Variants in RAPGEF2 observed in about 807,000 individuals in gnomAD.
The protein encoded by RAPGEF2 is PDZ domain containing guanine nucleotide exchange factor (GEF) 1.
A neutral mutation model predicts 186.7 loss-of-function variants in RAPGEF2; 54 were observed. That is an observed-to-expected ratio of 0.29 (90% CI 0.23 to 0.36). The LOEUF (loss-of-function observed/expected upper bound fraction) is 0.36. Ranked by LOEUF, RAPGEF2 falls within the 10% of genes least tolerant of loss-of-function variation. The pLI, the probability that RAPGEF2 is intolerant of heterozygous loss-of-function variation, is 1.00. For missense variants in RAPGEF2, 1,532 were observed against 2,045.0 expected, an observed-to-expected ratio of 0.75 and a Z score of 4.84; for synonymous variants, 712 against 705.9, an observed-to-expected ratio of 1.01 and a Z score of -0.14.
chr4:159,204,548 T>G (rs1313840556), intron 3 of RAPGEF2, among the ~76,000 whole-genome samples: 1 of 152,226 alleles, frequency 6.6e-6, no homozygotes, highest in African/African-American at 2.4e-5. Flanking sequence ...CCCCAGAGGC[T>G]TTCTATCTGT....
intron 7 of RAPGEF2, among the ~76,000 whole-genome samples, chr4:159,250,821 C>A (rs1024293405): frequency 2.6e-5 from 4 of 152,132 alleles, no homozygotes; most frequent in Non-Finnish European, 5.9e-5. Flanking sequence ...CCACTCTGGC[C>A]ATCCTGGAGG....
intron 7 of RAPGEF2, among the ~76,000 whole-genome samples, chr4:159,298,049 A>G (rs1762229243): frequency 6.6e-6 from 1 of 152,176 alleles, no homozygotes; most frequent in African/African-American, 2.4e-5. Flanking sequence ...ACAAATTGTT[A>G]ATTTTGGCAG....
In RAPGEF2 at chr4:159,353,904, C is replaced by T. The variant is rs756559547; in HGVS notation, c.4509C>T (p.Gly1503=). 2.5e-6 allele frequency: 4 copies of T among 1,614,154 alleles called. No homozygotes were observed. The highest frequency in any genetic ancestry group is 3.4e-6 in the Non-Finnish European group (4 of 1,180,024). ...YWGEDSEGDT[G]TIKRRGGKDV... is the part of the protein sequence containing the mutation. ...GAGAAGACTCAGAAGGTGACACAGGCACAATAAAGCGGAGGGGTGGAAAGG... is the reference window on the plus strand; with the variant it reads ...GAGAAGACTCAGAAGGTGACACAGGTACAATAAAGCGGAGGGGTGGAAAGG... Residue 1503 remains glycine, a synonymous_variant, in exon 28 of 30, where the codon GGC becomes GGT. Transcript: ENST00000691494. The surrounding 1 kb of genome is among the most constrained non-coding windows in gnomAD (Gnocchi z 4.3).
intron 11 of RAPGEF2, chr4:159,327,347 A>G (rs1052338856): frequency 4.6e-5 from 7 of 152,192 alleles, no homozygotes; most frequent in African/African-American, 1.7e-4. Context: ...ATTTACAGAA[A>G]CTTAAAACCT....
intron 4 of RAPGEF2, among the ~76,000 whole-genome samples, chr4:159,232,564 C>T (rs559938286): frequency 6.6e-6 from 1 of 152,300 alleles, no homozygotes; most frequent in Admixed American, 6.5e-5. Flanking sequence ...CATATTTTGG[C>T]TACTGTGAAT....
intron 7 of RAPGEF2, among the ~76,000 whole-genome samples, chr4:159,259,761 A>T (rs1579648572): frequency 1.3e-5 from 2 of 152,158 alleles, no homozygotes; most frequent in African/African-American, 4.8e-5. Context: ...TGTACCAGAA[A>T]ATGTTGGAAG....
chr4:159,148,860 T>G (rs76446196), intron 1 of RAPGEF2, among the ~76,000 whole-genome samples: 1 of 152,248 alleles, frequency 6.6e-6, no homozygotes, highest in Non-Finnish European at 1.5e-5. Context: ...GTAGTCTATT[T>G]TCTTAAATTT....
intron 1 of RAPGEF2, among the ~76,000 whole-genome samples, chr4:159,174,099 AT>A (rs1746199782): frequency 6.6e-6 from 1 of 152,256 alleles, no homozygotes; most frequent in Non-Finnish European, 1.5e-5. Context: ...TGTTAACAAA[AT>A]GAGTTTTTGG....
At chr4:159,162,192 C>T (rs1744780721) in intron 1 of RAPGEF2, among the ~76,000 whole-genome samples, 1 of 143,490 alleles carries the variant, frequency 7.0e-6, no homozygotes, top group African/African-American at 2.6e-5. Flanking sequence ...TAATACTCGC[C>T]TGAGCAATAT....
chr4:159,213,621 T>C (rs1750731769), intron 4 of RAPGEF2, among the ~76,000 whole-genome samples: 1 of 152,256 alleles, frequency 6.6e-6, no homozygotes, highest in Non-Finnish European at 1.5e-5. Flanking sequence ...TTAGCCTTAT[T>C]GAAATCCTCA....
intron 7 of RAPGEF2, among the ~76,000 whole-genome samples, chr4:159,271,012 G>T (rs1438958815): frequency 6.6e-6 from 1 of 152,162 alleles, no homozygotes; most frequent in African/African-American, 2.4e-5. Context: ...TTATGAGACT[G>T]CATTTTTCAA....
chr4:159,226,552 T>TTA (rs910090429), intron 4 of RAPGEF2, among the ~76,000 whole-genome samples: 4 of 152,202 alleles, frequency 2.6e-5, no homozygotes, highest in Admixed American at 2.0e-4. Context: ...TGAGTCTATA[T>TTA]ATCAACTTGG....
At chr4:159,278,476 TC>T (rs1317002875) in intron 7 of RAPGEF2, among the ~76,000 whole-genome samples, 7 of 152,158 alleles carry the variant, frequency 4.6e-5, no homozygotes, top group Non-Finnish European at 1.0e-4. Flanking sequence ...ACAGGAGCTC[TC>T]GAAATTTAGC....
Position 159,104,132 on chromosome 4 carries a change from G to T in RAPGEF2, c.-31G>T. ...GCCGGGAGGAGGCCGGCCAGGGTGCGGAGCGGCCCCGGCCCGCTCCCAGAG... is the reference window on the plus strand; with the variant it reads ...GCCGGGAGGAGGCCGGCCAGGGTGCTGAGCGGCCCCGGCCCGCTCCCAGAG... On this transcript the variant is annotated 5_prime_UTR_variant, in exon 1 of 30. Coordinates refer to ENST00000691494, the MANE Select transcript of RAPGEF2 (RefSeq NM_001394067.2). 3.4e-6 allele frequency: 5 copies of T among 1,458,910 alleles called. No homozygotes were observed. Among genetic ancestry groups the T allele is most frequent in the Non-Finnish European group, 3.6e-6 (4 of 1,098,322 alleles). 90.4% of individuals were successfully genotyped at this position (1,458,910 alleles called of 1,614,324 possible).
At chr4:159,206,006 T>C (rs1312645878) in intron 3 of RAPGEF2, among the ~76,000 whole-genome samples, 2 of 151,968 alleles carry the variant, frequency 1.3e-5, no homozygotes, top group Non-Finnish European at 2.9e-5. Flanking sequence ...TTGGCCTCAC[T>C]GCAAGCTCCG....
At chr4:159,175,397 A>C (rs1304380864) in intron 1 of RAPGEF2, among the ~76,000 whole-genome samples, 1 of 152,118 alleles carries the variant, frequency 6.6e-6, no homozygotes, top group Non-Finnish European at 1.5e-5. Flanking sequence ...ACTCGGATGC[A>C]CAAAGCACCT....
intron 1 of RAPGEF2, among the ~76,000 whole-genome samples, chr4:159,123,737 C>T (rs985928036): frequency 6.6e-6 from 1 of 151,944 alleles, no homozygotes; most frequent in Non-Finnish European, 1.5e-5. Flanking sequence ...CCAGGATGGT[C>T]TCGATCTCCT....
chr4:159,131,525 T>TGG (rs1741097517), intron 1 of RAPGEF2, among the ~76,000 whole-genome samples: 6 of 148,202 alleles, frequency 4.0e-5, no homozygotes, highest in East Asian at 1.9e-4. Context: ...TGCTATTTTT[T>TGG]TTTTTTTTTT....
chr4:159,186,603 T>G, intron 1 of RAPGEF2, 39 bp from the exon 2 acceptor site: 1 of 1,125,600 alleles, frequency 8.9e-7, no homozygotes, highest in Non-Finnish European at 1.2e-6. Flanking sequence ...CCCCTTTTCC[T>G]GACAGGTCTA....
Sources: gnomAD v4.1 joint callset for allele counts (sites outside exome capture counted in the v4.1 genomes callset) on GRCh38, gnomAD v4.1.1 for gene constraint, Gnocchi (gnomAD v3.1) non-coding constraint, MANE v1.5 for transcripts, NCBI Gene and HGNC (gene_info 2026-07-23, HGNC 2026-07-21) for gene names.